The following PAH variants were observed in gnomAD, a reference collection of about 807,000 sequenced individuals.
PAH encodes phenylalanine hydroxylase.
PAH carries 64 observed loss-of-function variants against 62.0 expected under a neutral mutation model. That is an observed-to-expected ratio of 1.03 (90% CI 0.84 to 1.27). The LOEUF (loss-of-function observed/expected upper bound fraction) is 1.27. PAH is among the 50% of genes most tolerant of loss of function. The probability of loss-of-function intolerance (pLI) is 0.00; values close to 1 mark genes in which losing one functional copy is unlikely to be tolerated. For synonymous variants in PAH, 195 were observed against 196.2 expected, an observed-to-expected ratio of 0.99 and a Z score of 0.05; for missense variants, 579 against 542.8, an observed-to-expected ratio of 1.07 and a Z score of -0.66.
intron 11 of PAH, 23 bp from the exon 12 acceptor site, chr12:102,840,538 G>T (rs1874550888): frequency 6.7e-7 from 1 of 1,483,808 alleles, no homozygotes; most frequent in Non-Finnish European, 9.4e-7. Context: ...CCACAGGCTT[G>T]AGTGAAGGGC....
At chr12:102,869,544 T>C (rs1403567395) in intron 4 of PAH, among the ~76,000 whole-genome samples, 1 of 152,164 alleles carries the variant, frequency 6.6e-6, no homozygotes, top group African/African-American at 2.4e-5. Flanking sequence ...ATCATTTTAG[T>C]GAAGTAGCAG....
At chr12:102,941,116 C>A (rs1879271359) in intron 1 of PAH, among the ~76,000 whole-genome samples, 2 of 152,228 alleles carry the variant, frequency 1.3e-5, no homozygotes, top group Middle Eastern at 3.4e-3. Context: ...TTCAGACAAG[C>A]AAATGCTAAT....
At chr12:102,855,373 G>C in intron 5 of PAH, 41 bp from the exon 6 acceptor site, 2 of 1,568,530 alleles carry the variant, frequency 1.3e-6, no homozygotes, top group Non-Finnish European at 1.8e-6. Context: ...AGCAGGGCAG[G>C]GGCACAGCAG....
At chr12:102,871,675 C>G (rs1447922209) in intron 4 of PAH, among the ~76,000 whole-genome samples, 1 of 152,086 alleles carries the variant, frequency 6.6e-6, no homozygotes, top group African/African-American at 2.4e-5. Flanking sequence ...GTAATCCCAG[C>G]ACTTTGGGAG....
intron 3 of PAH, 44 bp from the exon 4 acceptor site, chr12:102,877,594 A>G: frequency 6.9e-7 from 1 of 1,453,102 alleles, no homozygotes; most frequent in African/African-American, 1.4e-5. Flanking sequence ...GATTGGCAGA[A>G]CATGGCCAAA....
intron 1 of PAH, among the ~76,000 whole-genome samples, chr12:102,933,421 T>G (rs1360290237): frequency 6.6e-6 from 1 of 152,186 alleles, no homozygotes; most frequent in East Asian, 1.9e-4. Flanking sequence ...TTGTGAATAG[T>G]GCTGCAATAA....
intron 8 of PAH, among the ~76,000 whole-genome samples, chr12:102,850,480 A>G (rs947746890): frequency 6.6e-6 from 1 of 152,140 alleles, no homozygotes; most frequent in Non-Finnish European, 1.5e-5. Flanking sequence ...AAATTCACAC[A>G]CAATCCCATT....
rs1427560260 is a variant in PAH, at chr12:102,843,837, C to A, written c.1066-58G>T. Reference sequence around the variant, plus strand: ...GTTAAATCAGGATCAGTATTCCCTGCTGCATCCCATAGGCCATTTGTGCCC... The same window carrying A: ...GTTAAATCAGGATCAGTATTCCCTGATGCATCCCATAGGCCATTTGTGCCC... On this transcript the variant is annotated intron_variant, in intron 10 of 12. Coordinates refer to ENST00000553106, the MANE Select transcript of PAH (RefSeq NM_000277.3). The A allele has an allele frequency of 4.4e-6, 7 of 1,574,082 alleles. No homozygotes were observed. In the African/African-American group the frequency reaches 9.4e-5, roughly 21 times the overall value.
At chr12:102,887,126 T>C (rs1877073827) in intron 3 of PAH, among the ~76,000 whole-genome samples, 1 of 151,622 alleles carries the variant, frequency 6.6e-6, no homozygotes, top group Admixed American at 6.6e-5. Flanking sequence ...AAAGAGAGGC[T>C]ATTGGTTTTG....
intron 1 of PAH, among the ~76,000 whole-genome samples, chr12:102,956,851 AC>A (rs1879929834): frequency 6.6e-6 from 1 of 151,918 alleles, no homozygotes; most frequent in Non-Finnish European, 1.5e-5. Flanking sequence ...GGCCCCCCAC[AC>A]ACTTGCTCAG....
chr12:102,861,294 C>G (rs1311267860), intron 5 of PAH, among the ~76,000 whole-genome samples: 4 of 152,114 alleles, frequency 2.6e-5, no homozygotes, highest in Non-Finnish European at 4.4e-5. Context: ...CCATCTCACA[C>G]CAGTTAGAAT....
chr12:102,912,693 T>G (rs1004026096), intron 2 of PAH, 98 bp downstream of exon 2: 4 of 881,114 alleles, frequency 4.5e-6, no homozygotes, highest in African/African-American at 1.6e-5. Context: ...CAAATCTGCC[T>G]GTTCCAGATC....
chr12:102,929,744 A>T lies in PAH; in HGVS notation c.-95-12519T>A, dbSNP rs116781459. ...GACTAAAGTGGTACTGAGGGTGGAGATGAAGAAAATAGGATGAATTTGAGA... is the reference window on the plus strand; with the variant it reads ...GACTAAAGTGGTACTGAGGGTGGAGTTGAAGAAAATAGGATGAATTTGAGA... On this transcript the variant is annotated intron_variant, in intron 1 of 3. Coordinates refer to the PAH transcript ENST00000546844. Among the ~76,000 whole-genome samples, 1,191 of 152,272 alleles carry T rather than the reference A, an allele frequency of 7.8e-3. 23 individuals carry two copies. Among genetic ancestry groups the T allele is most frequent in the African/African-American group, 0.027 (1,122 of 41,564 alleles).
chr12:102,838,080 A>T lies in PAH; in HGVS notation c.*1095T>A, dbSNP rs1874434988. 1 of 152,166 alleles carries T rather than the reference A, an allele frequency of 6.6e-6. No homozygotes were observed. Among genetic ancestry groups the T allele is most frequent in the African/African-American group, 2.4e-5 (1 of 41,436 alleles). The allele number at this position is 152,166 out of a possible 1,614,324, so 9.4% of individuals were successfully genotyped here. On this transcript the variant is annotated 3_prime_UTR_variant, in exon 13 of 13. Coordinates refer to ENST00000553106, the MANE Select transcript of PAH (RefSeq NM_000277.3). ...AATTTCAAATCATAGCTACAAAGAT[A>T]TTGTTTTTTTTCTCCCCACTGCTTC...
chr12:102,883,734 C>A (rs1876916878), intron 3 of PAH, among the ~76,000 whole-genome samples: 1 of 152,106 alleles, frequency 6.6e-6, no homozygotes, highest in Non-Finnish European at 1.5e-5. Flanking sequence ...GGCTTCAGGA[C>A]CCCATCATCT....
At chr12:102,871,935 AAAAAAAAAAAAAAAATATATAT>A (rs1420358007) in intron 4 of PAH, among the ~76,000 whole-genome samples, 856 of 85,070 alleles carry the variant, frequency 0.01, 7 homozygotes, top group Admixed American at 0.013. Context: ...AAAAAAAAAA[AAAAAAAAAAAAAAAATATATAT>A]ATATATATAT....
rs1166069532 is a variant in PAH, at chr12:102,899,858, CAAAAAAAAAAAA to C, written c.169-4952_169-4941del. On this transcript the variant is annotated intron_variant, in intron 2 of 12. Transcript: ENST00000553106. ...TGGGCGACAGAGCGAGACTCCGTCT[CAAAAAAAAAAAA>C]AAAAAAAAAAAAAAAAAGTGAGTAA... Among the ~76,000 whole-genome samples, 25 of 9,540 alleles carry C rather than the reference CAAAAAAAAAAAA, an allele frequency of 2.6e-3. 1 individual carries two copies. The highest frequency in any genetic ancestry group is 8.2e-3 in the Admixed American group (3 of 364). 6.3% of individuals were successfully genotyped at this position (9,540 alleles called of 152,430 possible).
At chr12:102,867,135 T>G (rs1876015817) in intron 4 of PAH, among the ~76,000 whole-genome samples, 1 of 152,238 alleles carries the variant, frequency 6.6e-6, no homozygotes, top group Admixed American at 6.5e-5. Context: ...ATGTGCCAGT[T>G]TGTGAGTACT....
intron 3 of PAH, among the ~76,000 whole-genome samples, chr12:102,889,534 G>GGATAGATAGATA (rs201300617): frequency 2.1e-3 from 321 of 150,552 alleles, no homozygotes; most frequent in African/African-American, 4.9e-3. Flanking sequence ...ATAGATAGAC[G>GGATAGATAGATA]GATAGATAGA....
Sources: gnomAD v4.1 joint callset for allele counts (sites outside exome capture counted in the v4.1 genomes callset) on GRCh38, gnomAD v4.1.1 for gene constraint, MANE v1.5 for transcripts, NCBI Gene and HGNC (gene_info 2026-07-23, HGNC 2026-07-21) for gene names.